SLC12A7: variants seen among roughly 807,000 people sequenced by gnomAD.
The protein encoded by SLC12A7 is solute carrier family 12 member 7.
SLC12A7 carries 100 observed loss-of-function variants against 120.6 expected under a neutral mutation model. The observed-to-expected ratio is 0.83, with a 90% CI of 0.71 to 0.98. The LOEUF (loss-of-function observed/expected upper bound fraction) is 0.98, where lower values mean the gene tolerates loss of function less well. Ranked by LOEUF, SLC12A7 falls within the 50% of genes least tolerant of loss-of-function variation. The pLI is 0.00. For missense variants in SLC12A7, 1,373 were observed against 1,548.1 expected (o/e 0.89, Z 1.90); for synonymous variants, 760 against 678.0 (o/e 1.12, Z -1.88).
upstream of SLC12A7, among the ~76,000 whole-genome samples, chr5:1,114,792 G>T (rs1030360254): frequency 3.3e-5 from 5 of 152,164 alleles, no homozygotes; most frequent in African/African-American, 1.2e-4. Context: ...GCACTGTCTG[G>T]TGGTAGCTCC....
the SLC12A7 span, among the ~76,000 whole-genome samples, chr5:1,139,332 G>A: frequency 1.3e-5 from 2 of 152,284 alleles, no homozygotes; most frequent in Admixed American, 6.5e-5. Flanking sequence ...CCCTGGTGGG[G>A]AGCAGCCCCT....
intron 18 of SLC12A7, among the ~76,000 whole-genome samples, chr5:1,064,831 GGACGGCGAAGC>G (rs1238060398): frequency 6.9e-6 from 1 of 145,200 alleles, no homozygotes; most frequent in Non-Finnish European, 1.5e-5. Context: ...AACGGCGAGG[GGACGGCGAAGC>G]GACGGCGAGG....
At chr5:1,052,748 C>G (rs141820841) in intron 23 of SLC12A7, among the ~76,000 whole-genome samples, 149 of 152,276 alleles carry the variant, frequency 9.8e-4, no homozygotes, top group South Asian at 4.4e-3. Context: ...ACCCCAGCCA[C>G]GGGACTGGGT....
chr5:1,076,636 T>C (rs1490973642), intron 13 of SLC12A7, 58 bp downstream of exon 13: 22 of 1,298,458 alleles, frequency 1.7e-5, no homozygotes, highest in Non-Finnish European at 2.4e-5. Flanking sequence ...CCATCCACAC[T>C]GCCCCACGCT....
intron 7 of SLC12A7, 84 bp from the exon 8 acceptor site, chr5:1,084,040 A>G: frequency 8.1e-7 from 1 of 1,237,290 alleles, no homozygotes; most frequent in East Asian, 2.5e-5. Flanking sequence ...ACGGGCACCC[A>G]TGGTGTCGCC....
intron 1 of SLC12A7, among the ~76,000 whole-genome samples, chr5:1,104,131 G>A (rs940432643): frequency 7.2e-5 from 11 of 152,192 alleles, no homozygotes; most frequent in Admixed American, 5.9e-4. Context: ...TCCCTCCTCC[G>A]ATTTCCACTC....
chr5:1,084,369 A>T (rs898100397), intron 7 of SLC12A7, among the ~76,000 whole-genome samples: 1 of 152,182 alleles, frequency 6.6e-6, no homozygotes. Flanking sequence ...CCCCCGCGCC[A>T]GCACAGCCAC....
At chr5:1,118,207 G>C in the SLC12A7 span, among the ~76,000 whole-genome samples, 1 of 151,838 alleles carries the variant, frequency 6.6e-6, no homozygotes, top group Non-Finnish European at 1.5e-5. Context: ...TGATTTGAGT[G>C]ACAGTAAAAC....
rs375270071 is a variant in SLC12A7, at chr5:1,085,413, C to G, written c.736G>C (p.Ala246Pro). Residue 246 changes from alanine to proline, a missense_variant, in exon 7 of 24, where the codon GCC becomes CCC. Coordinates refer to ENST00000264930, the MANE Select transcript of SLC12A7 (RefSeq NM_006598.3). ...QAEAAGGEAA[A>P]MLHNMRVYGT... ...TACACACGCATGTTGTGCAGCATGG[C>G]GGCCGCCTCGCCACCTGCAGCCTCC... The G allele has an allele frequency of 6.2e-7, 1 of 1,609,398 alleles. No individual in the cohort carries two copies. Among genetic ancestry groups the G allele is most frequent in the South Asian group, 1.1e-5 (1 of 90,522 alleles).
At chr5:1,065,247 G>C in intron 18 of SLC12A7, 36 bp downstream of exon 18, 3 of 1,476,784 alleles carry the variant, frequency 2.0e-6, no homozygotes, top group Non-Finnish European at 1.8e-6. Context: ...AGAGGGGACG[G>C]TGAGGGGATG....
At position 1,111,874 on chromosome 5, in the gene SLC12A7, TGGGGCGCTCGGGCTC is replaced by T; in HGVS notation, c.103_117del (p.Glu35_Pro39del). 1.6e-6 allele frequency: 2 copies of T among 1,218,504 alleles called. No individual in the cohort carries two copies. Among genetic ancestry groups the T allele is most frequent in the South Asian group, 3.7e-5 (1 of 26,724 alleles). The allele number at this position is 1,218,504 out of a possible 1,614,324, so 75.5% of individuals were successfully genotyped here. On this transcript the variant is annotated inframe_deletion, in exon 1 of 24. Transcript: ENST00000264930. ...CAGGTGCGGCCGCGCTCACCCGGGC[TGGGGCGCTCGGGCTC>T]GGGGCCCTCGGGGGTGCCCGGAGCC...
At chr5:1,115,623 G>A (rs1743285005), upstream of SLC12A7, among the ~76,000 whole-genome samples, 1 of 152,226 alleles carries the variant, frequency 6.6e-6, no homozygotes, top group Non-Finnish European at 1.5e-5. Context: ...GGGCTGGCAG[G>A]CAGAGTGTCC....
chr5:1,080,998 AGAGAGAGAGACAGACAGACAG>A (rs1347833812), intron 9 of SLC12A7, among the ~76,000 whole-genome samples: 1 of 63,488 alleles, frequency 1.6e-5, no homozygotes, highest in Non-Finnish European at 4.8e-5. Flanking sequence ...AGAGAGAGAC[AGAGAGAGAGACAGACAGACAG>A]ACAGAGAGAG....
At chr5:1,054,237 C>A (rs1274288451) in intron 22 of SLC12A7, among the ~76,000 whole-genome samples, 1 of 152,266 alleles carries the variant, frequency 6.6e-6, no homozygotes, top group Non-Finnish European at 1.5e-5. Context: ...CCTCACAACG[C>A]AGCTCTGCTC....
chr5:1,066,251 G>A (rs1029748372), intron 17 of SLC12A7, among the ~76,000 whole-genome samples: 3 of 152,166 alleles, frequency 2.0e-5, no homozygotes, highest in Non-Finnish European at 4.4e-5. Flanking sequence ...CCCCTGCTGC[G>A]TTCTGGGATA....
chr5:1,073,738 C>G lies in SLC12A7; in HGVS notation c.2136G>C (p.Leu712=). The G allele has an allele frequency of 6.4e-7, 1 of 1,572,728 alleles. No homozygotes were observed. Among genetic ancestry groups the G allele is most frequent in the Non-Finnish European group, 8.6e-7 (1 of 1,157,140 alleles). ...CGGCCTTCAGCTGCGACGTGAAGGACAGCAGGCGGGGGTGCTTCACGGCCT... is the reference window on the plus strand; with the variant it reads ...CGGCCTTCAGCTGCGACGTGAAGGAGAGCAGGCGGGGGTGCTTCACGGCCT... The part of the protein sequence containing the change: ...AEQAVKHPRL[L]SFTSQLKAGK... Residue 712 remains leucine, a synonymous_variant, in exon 17 of 24, where the codon CTG becomes CTC. Coordinates refer to ENST00000264930, the MANE Select transcript of SLC12A7 (RefSeq NM_006598.3).
the SLC12A7 span, among the ~76,000 whole-genome samples, chr5:1,147,060 A>G: frequency 1.3e-5 from 2 of 152,196 alleles, no homozygotes; most frequent in Admixed American, 1.3e-4. Flanking sequence ...CAATGTCCTC[A>G]GCCTCCATCC....
intron 20 of SLC12A7, 21 bp from the exon 21 acceptor site, chr5:1,060,472 T>C (rs754417625): frequency 7.6e-6 from 12 of 1,576,520 alleles, no homozygotes; most frequent in Non-Finnish European, 1.0e-5. Flanking sequence ...CCCAAGCACG[T>C]AGTAAGCCCG....
In SLC12A7 at chr5:1,065,449, C is replaced by A; in HGVS notation, c.2271G>T (p.Lys757Asn). Residue 757 changes from lysine to asparagine, a missense_variant, in exon 18 of 24, where the codon AAG becomes AAT. By Grantham distance (94) the Lys-to-Asn change is moderately conservative. Coordinates refer to ENST00000264930, the MANE Select transcript of SLC12A7 (RefSeq NM_006598.3). ...ENIRSLMSTE[K>N]TKGFCQLVVS... ...CCACCAGCTGGCAGAAGCCCTTGGTCTTCTCTGTGCTCATTAGGGACCGTA... is the reference window on the plus strand; with the variant it reads ...CCACCAGCTGGCAGAAGCCCTTGGTATTCTCTGTGCTCATTAGGGACCGTA... 7 of 1,606,578 alleles carry A rather than the reference C, an allele frequency of 4.4e-6. No homozygotes were observed. Among genetic ancestry groups the A allele is most frequent in the Non-Finnish European group, 6.0e-6 (7 of 1,176,350 alleles).
Sources: gnomAD v4.1 joint callset for allele counts (sites outside exome capture counted in the v4.1 genomes callset) on GRCh38, gnomAD v4.1.1 for gene constraint, MANE v1.5 for transcripts, NCBI Gene and HGNC (gene_info 2026-07-23, HGNC 2026-07-21) for gene names.